BDP1: variants seen among roughly 807,000 people sequenced by gnomAD.
BDP1 encodes the protein transcription factor TFIIIB component B'' homolog.
BDP1 carries 169 observed loss-of-function variants against 266.6 expected under a neutral mutation model. The observed-to-expected ratio is 0.63, with a 90% confidence interval of 0.56 to 0.72. The LOEUF (loss-of-function observed/expected upper bound fraction) is 0.72. BDP1 is among the 30% of genes least tolerant of loss of function. The pLI, the probability that BDP1 is intolerant of heterozygous loss-of-function variation, is 0.00. For missense variants in BDP1, 3,015 were observed against 3,053.8 expected, an observed-to-expected ratio of 0.99 and a Z score of 0.30; for synonymous variants, 1,090 against 1,022.4, an observed-to-expected ratio of 1.07 and a Z score of -1.26.
chr5:71,577,548 A>C, the BDP1 span, among the ~76,000 whole-genome samples: 1 of 151,040 alleles, frequency 6.6e-6, no homozygotes, highest in Non-Finnish European at 1.5e-5. Context: ...TGTGTAACCA[A>C]CTTAGAATAT....
downstream of BDP1, among the ~76,000 whole-genome samples, chr5:71,569,479 G>A (rs916051130): frequency 6.6e-6 from 1 of 152,210 alleles, no homozygotes; most frequent in Non-Finnish European, 1.5e-5. Context: ...AGGCACAGTG[G>A]CTCACGCCTG....
rs1326116984 is a variant in BDP1, at chr5:71,544,516, G to A, written c.6563+9G>A. On this transcript the variant is annotated intron_variant, in intron 31 of 38. Transcript: ENST00000358731. ...GTAAACCTAACTGAAAGGTAAAAGA[G>A]TGAAGAGGTTCTGAGATTCAGTTTA... 1.2e-6 allele frequency: 2 copies of A among 1,604,178 alleles called. No homozygotes were observed. The highest frequency in any genetic ancestry group is 3.5e-5 in the Admixed American group (2 of 57,378).
In BDP1 at chr5:71,562,345, T is replaced by C. The variant is rs1050555213; in HGVS notation, c.7568T>C (p.Met2523Thr). 1.5e-5 allele frequency: 24 copies of C among 1,613,308 alleles called. No homozygotes were observed. Among genetic ancestry groups the C allele is most frequent in the Non-Finnish European group, 1.9e-5 (23 of 1,179,496 alleles). The change falls in exon 38 of 39, where the codon ATG (methionine) becomes ACG (threonine). Residue 2523 changes from methionine to threonine, a missense_variant. Coordinates refer to ENST00000358731, the MANE Select transcript of BDP1 (RefSeq NM_018429.3). ...AATAGTTTGGAGTCTGATGAACCTA[T>C]GCAAGTCCATAGTAAGAAACGCCTA... ...SKNSLESDEP[M>T]QVHSKKRLKP...
At chr5:71,461,957 T>A (rs1761595018) in intron 3 of BDP1, 31 bp downstream of exon 3, 657 of 703,148 alleles carry the variant, frequency 9.3e-4, no homozygotes, top group Non-Finnish European at 1.4e-3. Context: ...CTTTACTATC[T>A]CTTTTTTTTT....
At chr5:71,487,647 G>T (rs961205617) in intron 9 of BDP1, among the ~76,000 whole-genome samples, 2 of 152,182 alleles carry the variant, frequency 1.3e-5, no homozygotes, top group African/African-American at 4.8e-5. Flanking sequence ...CTGAAACCTG[G>T]GATGGTGAGA....
intron 7 of BDP1, among the ~76,000 whole-genome samples, chr5:71,481,709 G>C (rs1242017630): frequency 6.6e-6 from 1 of 152,146 alleles, no homozygotes; most frequent in East Asian, 1.9e-4. Flanking sequence ...TCTCCAATGG[G>C]ATTTCTCATC....
chr5:71,473,285 T>G, intron 7 of BDP1, among the ~76,000 whole-genome samples: 1 of 134,830 alleles, frequency 7.4e-6, no homozygotes, highest in Non-Finnish European at 1.6e-5. Flanking sequence ...TTTTTTTTTT[T>G]TTTTTTTGAG....
chr5:71,573,263 CAGG>C, the BDP1 span, among the ~76,000 whole-genome samples: 1 of 151,000 alleles, frequency 6.6e-6, no homozygotes, highest in Non-Finnish European at 1.5e-5. Context: ...AAAGAAAAAA[CAGG>C]AGAGGGAGGA....
chr5:71,469,582 T>TA (rs901438625), intron 6 of BDP1, among the ~76,000 whole-genome samples: 5 of 150,772 alleles, frequency 3.3e-5, no homozygotes, highest in South Asian at 4.2e-4. Context: ...ATGAATGTTT[T>TA]AAAAAAAAAA....
intron 7 of BDP1, among the ~76,000 whole-genome samples, chr5:71,477,743 C>A (rs909040969): frequency 2.6e-5 from 4 of 151,820 alleles, no homozygotes; most frequent in African/African-American, 9.7e-5. Context: ...ATCTCAGCAT[C>A]CCAAGTGCCC....
Position 71,522,806 on chromosome 5 carries a change from T to C in BDP1, c.5244T>C (p.Cys1748=). Residue 1748 remains cysteine, a synonymous_variant, in exon 24 of 39, where the codon TGT becomes TGC. Transcript: ENST00000358731. Reference sequence around the variant, plus strand: ...TGGAGGTTTCAGCAAGAAAAGATTGTGTAGGTTCCAAAGAGTCTGCTTTGG... The same window carrying C: ...TGGAGGTTTCAGCAAGAAAAGATTGCGTAGGTTCCAAAGAGTCTGCTTTGG... ...TSLEVSARKD[C]VGSKESALAK... is the part of the protein sequence containing the mutation. 20 of 1,611,196 alleles carry C rather than the reference T, an allele frequency of 1.2e-5. No individual in the cohort carries two copies. Among genetic ancestry groups the C allele is most frequent in the Non-Finnish European group, 1.5e-5 (18 of 1,179,454 alleles).
At chr5:71,468,982 A>G (rs950283564) in intron 6 of BDP1, among the ~76,000 whole-genome samples, 4 of 152,186 alleles carry the variant, frequency 2.6e-5, no homozygotes, top group Non-Finnish European at 5.9e-5. Flanking sequence ...ATAGATAAAT[A>G]TGCTGTTAAA....
At chr5:71,460,811 TTAAAGA>T (rs1272062480) in intron 2 of BDP1, among the ~76,000 whole-genome samples, 1 of 152,110 alleles carries the variant, frequency 6.6e-6, no homozygotes, top group Non-Finnish European at 1.5e-5. Context: ...TTTTGGGGAA[TTAAAGA>T]TTAAACATTT....
At chr5:71,521,135 C>T (rs1340981268) in intron 22 of BDP1, among the ~76,000 whole-genome samples, 3 of 147,510 alleles carry the variant, frequency 2.0e-5, no homozygotes, top group Middle Eastern at 3.6e-3. Context: ...TACAGTGAGC[C>T]GAGATCGCAC....
rs548497388 is a variant in BDP1, at chr5:71,510,522, G to T, written c.3430G>T (p.Asp1144Tyr). Residue 1144 changes from aspartate to tyrosine, a missense_variant, in exon 17 of 39, where the codon GAT (aspartate) becomes TAT (tyrosine). This residue lies in a region of BDP1 where 2,383 missense variants were observed against 2,404.9 expected (regional missense o/e 0.99). Transcript: ENST00000358731. ...TGATGCCACTGAGGAAATAGACAAAGATCTGGAAGAAACTGGAAGAAGAGA... is the reference window on the plus strand; with the variant it reads ...TGATGCCACTGAGGAAATAGACAAATATCTGGAAGAAACTGGAAGAAGAGA... ...VIDATEEIDK[D>Y]LEETGRREIS... 2 of 1,612,882 alleles carry T rather than the reference G, an allele frequency of 1.2e-6. No homozygotes were observed. The highest frequency in any genetic ancestry group is 1.3e-5 in the African/African-American group (1 of 74,592).
Position 71,543,268 on chromosome 5 carries a change from T to C in BDP1, c.6412+1003T>C, listed in dbSNP as rs545568822. Among the ~76,000 whole-genome samples the C allele has an allele frequency of 2.6e-5, 4 of 151,676 alleles. No individual in the cohort carries two copies. In the South Asian group the frequency reaches 8.3e-4, roughly 32 times the overall value. ...CTGTACTCCGGCCTGGGCAGCAGAG[T>C]GAGACTTCATCTCAAAAAAAGAAAA... On this transcript the variant is annotated intron_variant, in intron 30 of 38. Coordinates refer to ENST00000358731, the MANE Select transcript of BDP1 (RefSeq NM_018429.3).
At chr5:71,571,400 G>A (rs981453731), downstream of BDP1, among the ~76,000 whole-genome samples, 3 of 152,046 alleles carry the variant, frequency 2.0e-5, no homozygotes, top group Non-Finnish European at 4.4e-5. Context: ...CACCCGCCTC[G>A]GCCTCCCAAA....
At chr5:71,522,260 TCTTCAA>T in intron 22 of BDP1, 23 bp from the exon 23 acceptor site, 1 of 1,568,242 alleles carries the variant, frequency 6.4e-7, no homozygotes, top group Non-Finnish European at 8.7e-7. Context: ...TGATTTTTGT[TCTTCAA>T]CATGATTCAT....
At chr5:71,576,300 C>A in the BDP1 span, among the ~76,000 whole-genome samples, 1 of 152,230 alleles carries the variant, frequency 6.6e-6, no homozygotes, top group African/African-American at 2.4e-5. Flanking sequence ...GGACCCCTAA[C>A]TCCACCTGAC....
Sources: gnomAD v4.1 joint callset for allele counts (sites outside exome capture counted in the v4.1 genomes callset) on GRCh38, gnomAD v4.1.1 for gene constraint, gnomAD v4.1.1 regional missense constraint, MANE v1.5 for transcripts, NCBI Gene and HGNC (gene_info 2026-07-23, HGNC 2026-07-21) for gene names.